Variants in NBPF9 observed in about 807,000 individuals in gnomAD.
NBPF9 encodes the protein NBPF member 9.
In NBPF9, 91 loss-of-function variants were observed where a neutral mutation model predicts 97.8. The ratio of observed to expected loss-of-function variants is 0.93; its 90% CI spans 0.79 to 1.11. The LOEUF (loss-of-function observed/expected upper bound fraction) is 1.11. NBPF9 is among the 50% of genes least tolerant of loss of function. The pLI is 0.00. For missense variants in NBPF9, 992 were observed against 939.5 expected, an observed-to-expected ratio of 1.06 and a Z score of -0.73; for synonymous variants, 334 against 359.5, an observed-to-expected ratio of 0.93 and a Z score of 0.80.
At chr1:149,079,289 A>T (rs1370250241) in intron 8 of NBPF9, 68 bp from the exon 9 acceptor site, 34 of 1,310,316 alleles carry the variant, frequency 2.6e-5, no homozygotes, top group Admixed American at 8.4e-5. Context: ...ATATTGCAAC[A>T]GAGACTTCTG....
At chr1:149,087,596 T>C (rs1338136460) in intron 5 of NBPF9, among the ~76,000 whole-genome samples, 10 of 150,594 alleles carry the variant, frequency 6.6e-5, no homozygotes, top group East Asian at 3.9e-4. Context: ...GACATTACCA[T>C]ATAAATGGTA....
intron 19 of NBPF9, among the ~76,000 whole-genome samples, chr1:149,064,057 G>T (rs1270241841): frequency 7.4e-6 from 1 of 135,968 alleles, no homozygotes; most frequent in Non-Finnish European, 1.6e-5. Flanking sequence ...TGAGTGATTT[G>T]GTCAGGTGAC....
At chr1:149,074,968 C>A (rs322073) in intron 12 of NBPF9, among the ~76,000 whole-genome samples, 1 of 150,718 alleles carries the variant, frequency 6.6e-6, no homozygotes, top group Non-Finnish European at 1.5e-5. Context: ...CCTGCCACCA[C>A]GCCCATCTAC....
rs2078516796 is a variant in NBPF9 at position 149,060,334 on chromosome 1, T to C, written c.2476+189A>G. ...ATGGCCTGAGACTAGGAAGAGAGTCTTGCCCACTGACCCATCCCTCATCTG... is the reference window on the plus strand; with the variant it reads ...ATGGCCTGAGACTAGGAAGAGAGTCCTGCCCACTGACCCATCCCTCATCTG... On this transcript the variant is annotated intron_variant, in intron 24 of 29. Transcript: ENST00000584027. The C allele has an allele frequency of 1.1e-5, 5 of 448,642 alleles. 2 individuals carry two copies. In the African/African-American group the frequency reaches 1.3e-4, roughly 11 times the overall value. The allele number at this position is 448,642 out of a possible 1,614,324, so 27.8% of individuals were successfully genotyped here. A position where few individuals can be genotyped will look rare whatever the true frequency, so the allele number is the denominator to read the frequency against.
intron 7 of NBPF9, among the ~76,000 whole-genome samples, chr1:149,080,785 A>G (rs1198121668): frequency 5.2e-5 from 6 of 114,710 alleles, no homozygotes; most frequent in Admixed American, 1.8e-4. Flanking sequence ...CATCAGAATG[A>G]AGAACTAATA....
intron 19 of NBPF9, 52 bp from the exon 20 acceptor site, chr1:149,063,857 A>G: frequency 1.2e-5 from 8 of 680,252 alleles, no homozygotes; most frequent in Non-Finnish European, 1.3e-5. Context: ...CAGAAACCAC[A>G]CAGCCCCAGC....
intron 3 of NBPF9, among the ~76,000 whole-genome samples, chr1:149,099,312 C>T (rs1315729228): frequency 7.2e-5 from 11 of 152,334 alleles, no homozygotes; most frequent in South Asian, 2.1e-4. Flanking sequence ...AGCAGCAACA[C>T]ATACAAAGGT....
At chr1:149,064,859 T>G (rs1553651293) in intron 18 of NBPF9, 2 of 534,750 alleles carry the variant, frequency 3.7e-6, no homozygotes, top group Non-Finnish European at 6.6e-6. Context: ...TTTATGAGAT[T>G]GTGGACACAG....
chr1:149,063,592 G>A, intron 20 of NBPF9, 41 bp downstream of exon 20: 1 of 609,720 alleles, frequency 1.6e-6, no homozygotes, highest in Non-Finnish European at 2.8e-6. Flanking sequence ...CTAACCAGAA[G>A]ACTCAGTGGA....
chr1:149,099,281 T>G (rs1203647357), intron 3 of NBPF9, among the ~76,000 whole-genome samples: 1 of 152,262 alleles, frequency 6.6e-6, no homozygotes, highest in Non-Finnish European at 1.5e-5. Context: ...TATGCTACAG[T>G]AACAAAAGCC....
intron 16 of NBPF9, among the ~76,000 whole-genome samples, chr1:149,069,869 C>A (rs2079267961): frequency 2.8e-5 from 3 of 109,026 alleles, no homozygotes; most frequent in Non-Finnish European, 5.5e-5. Context: ...GACCATAATG[C>A]CATATTCCCT....
rs1196542359 is a variant in NBPF9 at position 149,077,829 on chromosome 1, T to C, written c.566+54A>G. On this transcript the variant is annotated intron_variant, in intron 10 of 29. Transcript: ENST00000584027. The stretch of plus-strand genomic sequence containing the variant: ...TAGATGCCAGAGAGGGTGTGCCTCC[T>C]AGACATCTTCATATGTTACCACCCA... 167 of 1,596,806 alleles carry C rather than the reference T, an allele frequency of 1.0e-4. 3 individuals are homozygous for C. The African/African-American group carries it at 1.9e-3, about 18-fold the overall frequency.
chr1:149,084,922 G>T (rs587645362), intron 5 of NBPF9, among the ~76,000 whole-genome samples: 3 of 151,434 alleles, frequency 2.0e-5, no homozygotes, highest in African/African-American at 4.9e-5. Flanking sequence ...CTGCCAAGAC[G>T]CTAGGCCTGC....
At position 149,073,736 on chromosome 1, in the gene NBPF9, C is replaced by A. The variant is rs1378461455; in HGVS notation, c.1091+32G>T. 39 of 1,520,506 alleles carry A rather than the reference C, an allele frequency of 2.6e-5. No homozygotes were observed. The South Asian group carries it at 4.3e-4, about 17-fold the overall frequency. The allele number at this position is 1,520,506 out of a possible 1,614,324, so 94.2% of individuals were successfully genotyped here. On this transcript the variant is annotated intron_variant, in intron 13 of 29. Coordinates refer to ENST00000584027, the Ensembl canonical transcript of NBPF9. ...TGTACTTCAGAGATTTACACACCTG[C>A]CCCCCTGCCTGCCCCCATGGGGTCC...
intron 5 of NBPF9, among the ~76,000 whole-genome samples, chr1:149,086,277 G>A (rs1374564763): frequency 2.0e-5 from 3 of 150,498 alleles, no homozygotes; most frequent in South Asian, 4.3e-4. Context: ...AATATTAAGA[G>A]GAAAAAAAAA....
Position 149,097,799 on chromosome 1 carries a change from G to A in NBPF9, c.-337+639C>T, listed in dbSNP as rs1376420091. ...CCATGAATGCTCAGTGAAAGAAGGC[G>A]TCCACCACAAGGTCCTGGGGAACCA... On this transcript the variant is annotated intron_variant, in intron 4 of 29. Transcript: ENST00000584027. Among the ~76,000 whole-genome samples the A allele has an allele frequency of 1.5e-3, 230 of 152,210 alleles. 2 individuals are homozygous for A. Among genetic ancestry groups the A allele is most frequent in the African/African-American group, 5.4e-3 (223 of 41,488 alleles).
At position 149,080,083 on chromosome 1, in the gene NBPF9, G is replaced by A. The variant is rs1358112198; in HGVS notation, c.248C>T (p.Ala83Val). ...CTCCTCAGCTTGCTTCAGCTGCTCTGCAAGCTTCTCCTCCTTGAACTGTCG... is the reference window on the plus strand; with the variant it reads ...CTCCTCAGCTTGCTTCAGCTGCTCTACAAGCTTCTCCTCCTTGAACTGTCG... The change falls in exon 8 of 30, where the codon GCA becomes GTA. Residue 83 changes from alanine to valine, a missense_variant. Transcript: ENST00000584027. 1.0e-3 allele frequency: 1,590 copies of A among 1,536,216 alleles called. 5 individuals carry two copies. In the African/African-American group the frequency reaches 0.02, roughly 19 times the overall value.
intron 21 of NBPF9, among the ~76,000 whole-genome samples, chr1:149,062,514 C>T (rs1167767707): frequency 1.4e-5 from 2 of 144,154 alleles, no homozygotes; most frequent in Non-Finnish European, 3.1e-5. Flanking sequence ...CCGGGTGACA[C>T]ACTGATGAAG....
intron 5 of NBPF9, among the ~76,000 whole-genome samples, chr1:149,084,341 T>A (rs1553657829): frequency 1.4e-5 from 2 of 147,360 alleles, no homozygotes; most frequent in African/African-American, 2.5e-5. Context: ...TGAATATATA[T>A]AATATATATA....
Sources: gnomAD v4.1 joint callset for allele counts (sites outside exome capture counted in the v4.1 genomes callset) on GRCh38, gnomAD v4.1.1 for gene constraint, MANE v1.5 for transcripts, NCBI Gene and HGNC (gene_info 2026-07-23, HGNC 2026-07-21) for gene names.